Variants in LINGO2 observed in about 807,000 individuals in gnomAD.
LINGO2 encodes leucine-rich repeat and immunoglobulin-like domain-containing nogo receptor-interacting protein 2.
A neutral mutation model predicts 30.6 loss-of-function variants in LINGO2; 14 were observed. The observed-to-expected ratio is 0.46, with a 90% CI of 0.30 to 0.72. The LOEUF (loss-of-function observed/expected upper bound fraction) is 0.72. Ranked by LOEUF, LINGO2 falls within the 30% of genes least tolerant of loss-of-function variation. The pLI, the probability that LINGO2 is intolerant of heterozygous loss-of-function variation, is 0.07. For missense variants in LINGO2, 729 were observed against 751.7 expected, an observed-to-expected ratio of 0.97 and a Z score of 0.35; for synonymous variants, 317 against 288.5, an observed-to-expected ratio of 1.10 and a Z score of -1.00.
the LINGO2 span, among the ~76,000 whole-genome samples, chr9:28,885,000 A>ATATAATATATAATAATATAT: frequency 1.4e-5 from 1 of 69,136 alleles, no homozygotes; most frequent in African/African-American, 5.2e-5. Flanking sequence ...AATATATTAT[A>ATATAATATATAATAATATAT]TATATATATA....
chr9:28,076,167 A>G (rs572546635), intron 4 of LINGO2, among the ~76,000 whole-genome samples: 2 of 152,100 alleles, frequency 1.3e-5, no homozygotes, highest in African/African-American at 2.4e-5. Flanking sequence ...TTTCTTCACA[A>G]ATTATATTTT....
chr9:29,020,349 T>C, the LINGO2 span, among the ~76,000 whole-genome samples: 1 of 152,210 alleles, frequency 6.6e-6, no homozygotes, highest in African/African-American at 2.4e-5. Context: ...TTATTTTTTT[T>C]ATCAACCACA....
At chr9:28,562,104 A>AG (rs1823118458) in intron 1 of LINGO2, among the ~76,000 whole-genome samples, 2 of 151,988 alleles carry the variant, frequency 1.3e-5, no homozygotes, top group Non-Finnish European at 2.9e-5. Flanking sequence ...GGGAACTACA[A>AG]GAAGGGTCCA....
At chr9:28,769,083 T>C in the LINGO2 span, among the ~76,000 whole-genome samples, 1 of 152,176 alleles carries the variant, frequency 6.6e-6, no homozygotes, top group East Asian at 1.9e-4. Context: ...GTAAATGGAT[T>C]AAATATTTTT....
chr9:28,026,432 G>C (rs1213033802), intron 4 of LINGO2, among the ~76,000 whole-genome samples: 1 of 152,190 alleles, frequency 6.6e-6, no homozygotes, highest in Non-Finnish European at 1.5e-5. Flanking sequence ...TGGGCCCCTA[G>C]AGTTTCTTCT....
chr9:28,836,284 G>A, the LINGO2 span, among the ~76,000 whole-genome samples: 1 of 152,146 alleles, frequency 6.6e-6, no homozygotes, highest in Admixed American at 6.6e-5. Context: ...AGGCTTGCAG[G>A]CACTGCACCC....
Position 28,257,676 on chromosome 9 carries a change from T to A in LINGO2, c.-87+37532A>T, listed in dbSNP as rs1822427515. ...CCTGCGTTTCAGCAATACTCTTTGATCCACATGCTTATTTATTGCCTTTCT... is the reference window on the plus strand; with the variant it reads ...CCTGCGTTTCAGCAATACTCTTTGAACCACATGCTTATTTATTGCCTTTCT... On this transcript the variant is annotated intron_variant, in intron 4 of 5. Transcript: ENST00000379992. Among the ~76,000 whole-genome samples, 3 of 151,952 alleles carry A rather than the reference T, an allele frequency of 2.0e-5. No individual in the cohort carries two copies. The South Asian group carries it at 6.2e-4, about 31-fold the overall frequency.
At chr9:28,636,575 T>C (rs1827285814) in intron 1 of LINGO2, among the ~76,000 whole-genome samples, 1 of 152,222 alleles carries the variant, frequency 6.6e-6, no homozygotes, top group Non-Finnish European at 1.5e-5. Flanking sequence ...TGATGGCCAG[T>C]GAGGATAAGC....
intron 1 of LINGO2, among the ~76,000 whole-genome samples, chr9:28,553,766 C>A (rs1587849109): frequency 6.6e-6 from 1 of 151,904 alleles, no homozygotes; most frequent in Non-Finnish European, 1.5e-5. Context: ...GGGTTACCCT[C>A]AAAGGGAAGC....
the LINGO2 span, among the ~76,000 whole-genome samples, chr9:28,806,274 T>G: frequency 1.3e-5 from 2 of 152,226 alleles, no homozygotes; most frequent in Non-Finnish European, 2.9e-5. Flanking sequence ...TGGCAGCATT[T>G]AAAAATAAAC....
chr9:28,916,458 C>A, the LINGO2 span, among the ~76,000 whole-genome samples: 47 of 152,200 alleles, frequency 3.1e-4, no homozygotes, highest in African/African-American at 1.1e-3. Flanking sequence ...AGAATGAAAA[C>A]CTTGGTCTCC....
chr9:29,124,204 C>T, the LINGO2 span, among the ~76,000 whole-genome samples: 1 of 152,110 alleles, frequency 6.6e-6, no homozygotes, highest in African/African-American at 2.4e-5. Flanking sequence ...AACTGACTAG[C>T]CATATGCAGA....
intron 5 of LINGO2, among the ~76,000 whole-genome samples, chr9:27,957,081 A>T (rs1318906523): frequency 2.0e-5 from 3 of 152,168 alleles, no homozygotes; most frequent in Non-Finnish European, 4.4e-5. Flanking sequence ...TGACAGTGAG[A>T]CCCTGTCTCT....
At chr9:27,961,598 G>A (rs1819850433) in intron 5 of LINGO2, among the ~76,000 whole-genome samples, 1 of 152,180 alleles carries the variant, frequency 6.6e-6, no homozygotes, top group Non-Finnish European at 1.5e-5. Context: ...GTTATCCGGA[G>A]AGCAATGGCA....
chr9:28,602,171 T>C (rs983688994), intron 1 of LINGO2, among the ~76,000 whole-genome samples: 2 of 152,046 alleles, frequency 1.3e-5, no homozygotes, highest in African/African-American at 4.8e-5. Context: ...GTAGAATATA[T>C]TGCATCTCAG....
At chr9:28,094,177 A>G (rs16912476) in intron 4 of LINGO2, among the ~76,000 whole-genome samples, 14,239 of 152,162 alleles carry the variant, frequency 0.094, 775 homozygotes, top group African/African-American at 0.15. Context: ...TTTAGGGAAG[A>G]AAATGACTGT....
At chr9:27,962,185 G>A in intron 5 of LINGO2, among the ~76,000 whole-genome samples, 1 of 152,176 alleles carries the variant, frequency 6.6e-6, no homozygotes, top group Admixed American at 6.6e-5. Flanking sequence ...TTTTTGAATT[G>A]ACGGTAAAGT....
chr9:28,133,776 C>T (rs949550536), intron 4 of LINGO2, among the ~76,000 whole-genome samples: 1 of 152,046 alleles, frequency 6.6e-6, no homozygotes, highest in Admixed American at 6.5e-5. Context: ...ATGTTGGTGT[C>T]CTTTAAGATT....
chr9:28,590,435 C>T (rs1005037958), intron 1 of LINGO2, among the ~76,000 whole-genome samples: 5 of 151,898 alleles, frequency 3.3e-5, no homozygotes, highest in African/African-American at 1.2e-4. Flanking sequence ...CCAGAATCTA[C>T]AATGAACTCA....
Sources: gnomAD v4.1 joint callset for allele counts (sites outside exome capture counted in the v4.1 genomes callset) on GRCh38, gnomAD v4.1.1 for gene constraint, MANE v1.5 for transcripts, NCBI Gene and HGNC (gene_info 2026-07-23, HGNC 2026-07-21) for gene names.